UGT1A9: variants seen among roughly 807,000 people sequenced by gnomAD.
UGT1A9 encodes UDP glucuronosyltransferase family 1 member A9.
UGT1A9 carries 35 observed loss-of-function variants against 45.0 expected under a neutral mutation model. That is an observed-to-expected ratio of 0.78 (90% confidence interval 0.59 to 1.03). The LOEUF (loss-of-function observed/expected upper bound fraction) is 1.03. Ranked by LOEUF, UGT1A9 falls within the 50% of genes least tolerant of loss-of-function variation. The pLI is 0.00. For missense variants in UGT1A9, 687 were observed against 666.6 expected (o/e 1.03, Z -0.34); for synonymous variants, 278 against 250.6 (o/e 1.11, Z -1.03).
chr2:233,718,602 C>T (rs3732219), intron 1 of UGT1A9, among the ~76,000 whole-genome samples: 15,139 of 152,232 alleles, frequency 0.099, 881 homozygotes, highest in East Asian at 0.2. Flanking sequence ...GTCAGATGAG[C>T]TTTTCAAGAT....
intron 1 of UGT1A9, among the ~76,000 whole-genome samples, chr2:233,730,760 A>T (rs890717703): frequency 1.3e-5 from 2 of 152,118 alleles, no homozygotes; most frequent in Non-Finnish European, 1.5e-5. Flanking sequence ...TAAGACTGTG[A>T]ATCTATAAGC....
At chr2:233,704,499 C>T (rs143604503) in intron 1 of UGT1A9, among the ~76,000 whole-genome samples, 159 of 151,990 alleles carry the variant, frequency 1.0e-3, no homozygotes, top group Middle Eastern at 3.4e-3. Context: ...TATTGTTATA[C>T]GTGGTACATC....
intron 1 of UGT1A9, among the ~76,000 whole-genome samples, chr2:233,696,340 C>T (rs905819454): frequency 8.6e-5 from 13 of 151,938 alleles, no homozygotes; most frequent in African/African-American, 2.9e-4. Context: ...TTATACAGAT[C>T]TTTCACTTCC....
chr2:233,743,524 C>G (rs751668012), intron 1 of UGT1A9: 19 of 1,367,170 alleles, frequency 1.4e-5, no homozygotes, highest in Non-Finnish European at 1.8e-5. Flanking sequence ...GCTTCTGCTT[C>G]CCCAGCAGTT....
At chr2:233,690,753 G>GCA in intron 1 of UGT1A9, 1 of 1,161,250 alleles carries the variant, frequency 8.6e-7, no homozygotes, top group South Asian at 1.6e-5. Context: ...AGTGTCCAGT[G>GCA]CAGACATACA....
At chr2:233,692,744 G>A (rs1410250245) in intron 1 of UGT1A9, 4 of 1,060,368 alleles carry the variant, frequency 3.8e-6, no homozygotes, top group African/African-American at 1.6e-5. Flanking sequence ...AGAGGGAGAA[G>A]CAGACTTGTG....
chr2:233,684,285 C>T (rs1300653684), intron 1 of UGT1A9, among the ~76,000 whole-genome samples: 1 of 152,198 alleles, frequency 6.6e-6, no homozygotes, highest in African/African-American at 2.4e-5. Context: ...ACATGACTTT[C>T]AGCTCTTGGC....
At chr2:233,767,557 A>T (rs1326984430) in intron 2 of UGT1A9, among the ~76,000 whole-genome samples, 2 of 152,218 alleles carry the variant, frequency 1.3e-5, no homozygotes, top group African/African-American at 4.8e-5. Flanking sequence ...TTCTGCATCC[A>T]CTTGTTTCAT....
intron 1 of UGT1A9, among the ~76,000 whole-genome samples, chr2:233,685,008 C>T (rs982107066): frequency 2.0e-5 from 3 of 152,050 alleles, no homozygotes; most frequent in African/African-American, 7.2e-5. Flanking sequence ...GGTGTTTGTG[C>T]ACGTATGTGT....
At chr2:233,719,572 A>C in intron 1 of UGT1A9, 1 of 1,613,858 alleles carries the variant, frequency 6.2e-7, no homozygotes, top group South Asian at 1.1e-5. Flanking sequence ...CTTGTCAGCT[A>C]TGCATCCGTG....
chr2:233,720,890 T>C (rs2076904150), intron 1 of UGT1A9, among the ~76,000 whole-genome samples: 1 of 149,554 alleles, frequency 6.7e-6, no homozygotes, highest in South Asian at 2.1e-4. Context: ...TTTTTTTTTT[T>C]AGTAGAGATG....
At chr2:233,709,935 G>T (rs984071244) in intron 1 of UGT1A9, among the ~76,000 whole-genome samples, 8 of 152,098 alleles carry the variant, frequency 5.3e-5, no homozygotes, top group Non-Finnish European at 1.2e-4. Context: ...GGCAACCCTG[G>T]ATGGTTTCTG....
At chr2:233,710,745 A>G (rs182447991) in intron 1 of UGT1A9, among the ~76,000 whole-genome samples, 230 of 152,356 alleles carry the variant, frequency 1.5e-3, no homozygotes, top group African/African-American at 5.5e-3. Context: ...TCAAGGAGCA[A>G]AAGTTGCAAG....
Position 233,767,857 on chromosome 2 carries a change from G to T in UGT1A9, c.996G>T (p.Trp332Cys). 6.2e-7 allele frequency: 1 copy of T among 1,614,112 alleles called. No individual in the cohort carries two copies. Among genetic ancestry groups the T allele is most frequent in the South Asian group, 1.1e-5 (1 of 91,072 alleles). The change falls in exon 3 of 5, where the codon TGG becomes TGT. Residue 332 changes from tryptophan to cysteine, a missense_variant. By Grantham distance (215) the Trp-to-Cys change is radical (BLOSUM62 -2). Transcript: ENST00000354728. ...CTTTTTGCCCCTCCCAGGTCCTGTG[G>T]CGGTACACTGGAACCCGACCATCGA... is the stretch of plus-strand genomic sequence containing the variant. The part of the protein sequence containing the change: ...ALGKIPQTVL[W>C]RYTGTRPSNL...
intron 1 of UGT1A9, chr2:233,742,079 T>C (rs1691866087): frequency 6.6e-6 from 1 of 151,874 alleles, no homozygotes; most frequent in Non-Finnish European, 1.5e-5. Flanking sequence ...GGAGATCCTT[T>C]TTTTACATTT....
chr2:233,730,114 C>G (rs2125751951), intron 1 of UGT1A9: 1 of 1,562,004 alleles, frequency 6.4e-7, no homozygotes, highest in Admixed American at 1.9e-5. Context: ...TCTGCTTCTC[C>G]TTGTCATAAT....
Position 233,769,941 on chromosome 2 carries a change from T to G in UGT1A9, c.1295+1502T>G. 1 of 227,092 alleles carries G rather than the reference T, an allele frequency of 4.4e-6. No individual in the cohort carries two copies. The highest frequency in any genetic ancestry group is 9.8e-5 in the East Asian group (1 of 10,154). 14.1% of individuals were successfully genotyped at this position (227,092 alleles called of 1,614,324 possible). On this transcript the variant is annotated intron_variant, in intron 4 of 4. Transcript: ENST00000354728. This position sits in a 1 kb window ranked among gnomAD's most constrained non-coding sequence, Gnocchi z 4.4. ...TGGGTGGTGTGGTCCCATTCCTTCC[T>G]TCCAGCGGCTTCTTCTGGCCACCTC...
At chr2:233,755,921 AT>A (rs1696067229) in intron 1 of UGT1A9, 1 of 146,266 alleles carries the variant, frequency 6.8e-6, no homozygotes, top group Non-Finnish European at 1.5e-5. Context: ...GAAGAGTGGC[AT>A]CGTTTTACAG....
In UGT1A9 at chr2:233,769,692, A is replaced by G; in HGVS notation, c.1295+1253A>G. On this transcript the variant is annotated intron_variant, in intron 4 of 4. Transcript: ENST00000354728. The surrounding 1 kb of genome is among the most constrained non-coding windows in gnomAD (Gnocchi z 4.4). ...GCTAATGTGTGTGTGGTGGCACTGG[A>G]TAAAAGATCAATGTTGGCTAGGCAC... 1.9e-6 allele frequency: 3 copies of G among 1,542,672 alleles called. No individual in the cohort carries two copies. Among genetic ancestry groups the G allele is most frequent in the Non-Finnish European group, 2.6e-6 (3 of 1,143,658 alleles).
Sources: gnomAD v4.1 joint callset for allele counts (sites outside exome capture counted in the v4.1 genomes callset) on GRCh38, gnomAD v4.1.1 for gene constraint, Gnocchi (gnomAD v3.1) non-coding constraint, MANE v1.5 for transcripts, NCBI Gene and HGNC (gene_info 2026-07-23, HGNC 2026-07-21) for gene names.